Variants in ETF1 observed in about 807,000 individuals in gnomAD.
ETF1 encodes eukaryotic translation termination factor 1, also known as eukaryotic peptide chain release factor subunit 1.
ETF1 carries 4 observed loss-of-function variants against 55.1 expected under a neutral mutation model. That is an observed-to-expected ratio of 0.07 (90% confidence interval 0.04 to 0.17). ETF1 has a LOEUF of 0.17. ETF1 is among the 10% of genes least tolerant of loss of function. The pLI is 1.00. For synonymous variants in ETF1, 157 were observed against 182.3 expected, an observed-to-expected ratio of 0.86 and a Z score of 1.12; for missense variants, 142 against 523.6, an observed-to-expected ratio of 0.27 and a Z score of 7.11.
At position 138,513,552 on chromosome 5, in the gene ETF1, TCTC is replaced by T; in HGVS notation, c.541+13_541+15del. 1.9e-6 allele frequency: 3 copies of T among 1,584,056 alleles called. No individual in the cohort carries two copies. The highest frequency in any genetic ancestry group is 2.3e-5 in the East Asian group (1 of 44,234). ...AGACACAAAGTAAGTGGGTTCATGT[TCTC>T]CTCCTGTATTACCGTGTTTCTTTGG... On this transcript the variant is annotated intron_variant, in intron 5 of 10. Transcript: ENST00000360541.
intron 2 of ETF1, among the ~76,000 whole-genome samples, chr5:138,534,823 T>C (rs1380309196): frequency 6.6e-6 from 1 of 152,196 alleles, no homozygotes; most frequent in Non-Finnish European, 1.5e-5. Context: ...AAGGCTGTGA[T>C]ATTAGGCAGC....
At chr5:138,541,079 G>A (rs552719265) in intron 2 of ETF1, among the ~76,000 whole-genome samples, 1 of 152,320 alleles carries the variant, frequency 6.6e-6, no homozygotes, top group East Asian at 1.9e-4. Flanking sequence ...AACAAATCCA[G>A]AGGTCACATC....
intron 6 of ETF1, among the ~76,000 whole-genome samples, chr5:138,512,258 A>ATATATATATATATATATAT (rs1484458741): frequency 5.0e-5 from 1 of 20,006 alleles, no homozygotes; most frequent in African/African-American, 1.9e-4. Flanking sequence ...ATATATATAT[A>ATATATATATATATATATAT]TTTTTTTTTT....
intron 2 of ETF1, among the ~76,000 whole-genome samples, chr5:138,523,483 G>A (rs930875608): frequency 2.6e-5 from 4 of 152,148 alleles, no homozygotes; most frequent in Non-Finnish European, 5.9e-5. Flanking sequence ...GCAGTGAGCC[G>A]AGACCACGCC....
chr5:138,519,680 A>C (rs1013436966), intron 2 of ETF1, among the ~76,000 whole-genome samples: 2 of 151,372 alleles, frequency 1.3e-5, no homozygotes, highest in African/African-American at 2.4e-5. Context: ...AAAAAAAAAA[A>C]TCTCTCTCTC....
At chr5:138,538,425 A>G (rs1397168979) in intron 2 of ETF1, among the ~76,000 whole-genome samples, 1 of 148,838 alleles carries the variant, frequency 6.7e-6, no homozygotes, top group Non-Finnish European at 1.5e-5. Context: ...CCTGACCTCA[A>G]GTGATCCACC....
In ETF1 at chr5:138,508,703, C is replaced by A. The variant is rs1370802996; in HGVS notation, c.1197G>T (p.Gly399=). 1.2e-5 allele frequency: 20 copies of A among 1,612,798 alleles called. No individual in the cohort carries two copies. The highest frequency in any genetic ancestry group is 1.7e-5 in the Admixed American group (1 of 59,990). Residue 399 remains glycine, a synonymous_variant, in exon 10 of 11, where the codon GGG becomes GGT. Transcript: ENST00000360541. The part of the protein sequence containing the change: ...LEIVTDKSQE[G]SQFVKGFGGI... The stretch of plus-strand genomic sequence containing the variant: ...CACCAAATCCTTTCACAAACTGAGA[C>A]CCTTCTTGTGATTTATCTGTGACAA...
chr5:138,530,022 G>A (rs1195081265), intron 2 of ETF1, among the ~76,000 whole-genome samples: 1 of 152,090 alleles, frequency 6.6e-6, no homozygotes, highest in Non-Finnish European at 1.5e-5. Flanking sequence ...AAGGTTATAG[G>A]CGCAAGCGAC....
intron 10 of ETF1, 77 bp from the exon 11 acceptor site, chr5:138,508,464 AG>A: frequency 3.8e-6 from 6 of 1,595,894 alleles, no homozygotes; most frequent in Non-Finnish European, 4.3e-6. Flanking sequence ...TAAGGGAATA[AG>A]GGAAGCCCTA....
In ETF1 at chr5:138,506,576, A is replaced by G. The variant is rs1764566596; in HGVS notation, c.*1729T>C. The G allele has an allele frequency of 6.5e-6, 1 of 152,672 alleles. No individual in the cohort carries two copies. The allele number at this position is 152,672 out of a possible 1,614,324, so 9.5% of individuals were successfully genotyped here. A position where few individuals can be genotyped will look rare whatever the true frequency, so the allele number is the denominator to read the frequency against. On this transcript the variant is annotated 3_prime_UTR_variant, in exon 11 of 11. Coordinates refer to ENST00000360541, the MANE Select transcript of ETF1 (RefSeq NM_004730.4). ...ACAAATAGCAGAGCCCAAAGCAAAA[A>G]AGCCTGTTCCGGTGAAGTCTCCCAC...
At chr5:138,536,140 T>C (rs950371939) in intron 2 of ETF1, among the ~76,000 whole-genome samples, 4 of 152,224 alleles carry the variant, frequency 2.6e-5, no homozygotes, top group African/African-American at 9.6e-5. Context: ...CATATTCATA[T>C]ACCCAGATGT....
intron 2 of ETF1, among the ~76,000 whole-genome samples, chr5:138,522,602 C>T (rs954655613): frequency 9.3e-5 from 14 of 150,746 alleles, no homozygotes; most frequent in African/African-American, 2.9e-4. Flanking sequence ...ACAAAACAAA[C>T]GAAAAAAAGA....
chr5:138,525,797 T>G (rs1416788602), intron 2 of ETF1, among the ~76,000 whole-genome samples: 2 of 151,778 alleles, frequency 1.3e-5, no homozygotes, highest in Non-Finnish European at 2.9e-5. Flanking sequence ...AATACAAAAA[T>G]TAGCTGGGTG....
chr5:138,526,313 A>T (rs1765470555), intron 2 of ETF1, among the ~76,000 whole-genome samples: 1 of 152,154 alleles, frequency 6.6e-6, no homozygotes, highest in Non-Finnish European at 1.5e-5. Flanking sequence ...ACGAAAATAA[A>T]CCCCCTATAT....
At chr5:138,520,935 C>A (rs1458227467) in intron 2 of ETF1, among the ~76,000 whole-genome samples, 4 of 147,768 alleles carry the variant, frequency 2.7e-5, no homozygotes, top group African/African-American at 9.9e-5. Flanking sequence ...GTAGCTCTTC[C>A]AAAAAAAAAA....
intron 6 of ETF1, among the ~76,000 whole-genome samples, chr5:138,512,215 A>T (rs1764814848): frequency 2.9e-5 from 1 of 34,148 alleles, no homozygotes; most frequent in Non-Finnish European, 5.0e-5. Context: ...AAAAAAAAAA[A>T]AAAAAAAAAA....
intron 2 of ETF1, among the ~76,000 whole-genome samples, chr5:138,520,019 A>G (rs1170280976): frequency 6.9e-6 from 1 of 144,686 alleles, no homozygotes; most frequent in Non-Finnish European, 1.5e-5. Flanking sequence ...TAATGATCCA[A>G]TATCATACTT....
At chr5:138,542,579 T>A (rs1580731379) in intron 2 of ETF1, 3 of 1,357,876 alleles carry the variant, frequency 2.2e-6, no homozygotes, top group Non-Finnish European at 2.9e-6. Context: ...AAAGTAGCGG[T>A]GGCCTACCAC....
Position 138,543,205 on chromosome 5 carries a change from G to T in ETF1, c.-127C>A. The T allele has an allele frequency of 3.7e-6, 2 of 537,484 alleles. No individual in the cohort carries two copies. The highest frequency in any genetic ancestry group is 5.1e-5 in the South Asian group (2 of 39,588). The allele number at this position is 537,484 out of a possible 1,614,324, so 33.3% of individuals were successfully genotyped here. A position where few individuals can be genotyped will look rare whatever the true frequency, so the allele number is the denominator to read the frequency against. On this transcript the variant is annotated 5_prime_UTR_variant, in exon 1 of 11. Coordinates refer to ENST00000360541, the MANE Select transcript of ETF1 (RefSeq NM_004730.4). ...GCTCCCTCTCTCCAGGCAGCTGCAT[G>T]TGTTGCAATCCGCTCACATGGGGCC...
Sources: allele counts gnomAD v4.1 joint callset (sites outside exome capture counted in the v4.1 genomes callset), GRCh38; gene constraint gnomAD v4.1.1; transcripts MANE v1.5; gene names NCBI Gene and HGNC (gene_info 2026-07-23, HGNC 2026-07-21).